Variants in ANK2 observed in about 807,000 individuals in gnomAD.
ANK2 encodes the protein ankyrin 2.
Under a neutral mutation model 360.5 loss-of-function variants are expected in ANK2, and 83 were observed. The ratio of observed to expected loss-of-function variants is 0.23; its 90% CI spans 0.19 to 0.28. The LOEUF (loss-of-function observed/expected upper bound fraction) is 0.28. ANK2 is among the 10% of genes least tolerant of loss of function. The probability of loss-of-function intolerance (pLI) is 1.00; values close to 1 mark genes in which losing one functional copy is unlikely to be tolerated. For missense variants in ANK2, 4,201 were observed against 4,795.7 expected, an observed-to-expected ratio of 0.88 and a Z score of 3.66; for synonymous variants, 1,740 against 1,759.5, an observed-to-expected ratio of 0.99 and a Z score of 0.28.
intron 9 of ANK2, among the ~76,000 whole-genome samples, chr4:113,245,198 C>T (rs1289987609): frequency 6.6e-6 from 1 of 152,094 alleles, no homozygotes; most frequent in Non-Finnish European, 1.5e-5. Context: ...ATCCCTCTTA[C>T]TAAAGACAAA....
At chr4:113,262,871 A>T (rs1301284711) in intron 13 of ANK2, among the ~76,000 whole-genome samples, 1 of 151,856 alleles carries the variant, frequency 6.6e-6, no homozygotes, top group South Asian at 2.1e-4. Context: ...TCCCTCACCA[A>T]TACAGAGGGA....
chr4:112,805,501 T>G, the ANK2 span, among the ~76,000 whole-genome samples: 1 of 152,020 alleles, frequency 6.6e-6, no homozygotes, highest in Non-Finnish European at 1.5e-5. Flanking sequence ...CAAGGGTTCA[T>G]TTTTTCAAGA....
At chr4:113,189,440 T>A (rs2098611699) in intron 2 of ANK2, among the ~76,000 whole-genome samples, 1 of 152,222 alleles carries the variant, frequency 6.6e-6, no homozygotes, top group Non-Finnish European at 1.5e-5. Flanking sequence ...AAATATAGAC[T>A]TGGTTTCTAG....
chr4:113,139,417 A>G (rs4833421), intron 1 of ANK2, among the ~76,000 whole-genome samples: 108,278 of 152,110 alleles, frequency 0.71, 38,859 homozygotes, highest in African/African-American at 0.77. Context: ...CAGCCAGATT[A>G]TAATGAAGCC....
rs140811054 is a variant in ANK2 at position 113,059,746 on chromosome 4, A to G, written c.84+9934A>G. On this transcript the variant is annotated intron_variant, in intron 1 of 45. Transcript: ENST00000357077. ...ATTCTGAAAAGAGCATTTAAATAGC[A>G]TTGATAAAATGTTCATGAGTAACAC... 3.8e-3 allele frequency among the ~76,000 whole-genome samples: 571 copies of G among 152,242 alleles called. 8 individuals carry two copies. The highest frequency in any genetic ancestry group is 0.013 in the African/African-American group (530 of 41,562).
intron 1 of ANK2, among the ~76,000 whole-genome samples, chr4:113,149,461 A>G (rs539937742): frequency 6.6e-6 from 1 of 152,314 alleles, no homozygotes; most frequent in East Asian, 1.9e-4. Context: ...TTTTGTTCAT[A>G]TGGTTAGTTT....
intron 26 of ANK2, among the ~76,000 whole-genome samples, chr4:113,323,016 A>G (rs1365486336): frequency 1.3e-5 from 2 of 152,200 alleles, no homozygotes; most frequent in South Asian, 2.1e-4. Flanking sequence ...TTAAGCATGT[A>G]TACTTTTGTA....
intron 42 of ANK2, among the ~76,000 whole-genome samples, chr4:113,369,149 T>C (rs988583897): frequency 6.6e-6 from 1 of 152,172 alleles, no homozygotes; most frequent in Non-Finnish European, 1.5e-5. Context: ...TCAAAAGCCT[T>C]ATTATCTACA....
chr4:113,059,327 T>C (rs560035708), intron 1 of ANK2, among the ~76,000 whole-genome samples: 1 of 152,306 alleles, frequency 6.6e-6, no homozygotes, highest in East Asian at 1.9e-4. Context: ...CAGTGTTCTG[T>C]GAAGTCAGTC....
intron 2 of ANK2, among the ~76,000 whole-genome samples, chr4:112,920,466 C>T (rs935777298): frequency 1.3e-5 from 2 of 151,948 alleles, no homozygotes; most frequent in South Asian, 4.2e-4. Flanking sequence ...ATACATATAC[C>T]AGAGGATGTA....
intron 17 of ANK2, among the ~76,000 whole-genome samples, chr4:113,281,619 C>G (rs992610970): frequency 2.3e-4 from 35 of 152,120 alleles, no homozygotes; most frequent in Non-Finnish European, 4.1e-4. Flanking sequence ...TTCAGCATGT[C>G]ACTGAAGGGA....
intron 18 of ANK2, among the ~76,000 whole-genome samples, chr4:113,286,110 T>C (rs146879116): frequency 6.6e-6 from 1 of 152,348 alleles, no homozygotes; most frequent in African/African-American, 2.4e-5. Context: ...ATCAAAAATG[T>C]CTTTGAGATT....
intron 1 of ANK2, among the ~76,000 whole-genome samples, chr4:113,108,050 G>T (rs1402635548): frequency 6.6e-6 from 1 of 152,084 alleles, no homozygotes; most frequent in African/African-American, 2.4e-5. Context: ...TTGGACATTC[G>T]TTTACCAATG....
intron 20 of ANK2, among the ~76,000 whole-genome samples, chr4:113,288,836 C>T (rs2066071936): frequency 6.6e-6 from 1 of 152,098 alleles, no homozygotes; most frequent in East Asian, 1.9e-4. Flanking sequence ...ACCCCTTCTC[C>T]TCTCATGAAG....
At chr4:113,246,652 C>G (rs184451760) in intron 9 of ANK2, among the ~76,000 whole-genome samples, 1 of 151,902 alleles carries the variant, frequency 6.6e-6, no homozygotes, top group Admixed American at 6.6e-5. Flanking sequence ...AAAAAGTGTA[C>G]AAAAACATTA....
At chr4:113,036,251 TAAA>T (rs5861121) in intron 2 of ANK2, among the ~76,000 whole-genome samples, 3 of 141,548 alleles carry the variant, frequency 2.1e-5, no homozygotes, top group Non-Finnish European at 1.6e-5. Context: ...CTTTTAGTAG[TAAA>T]AAAAAAAAAA....
chr4:113,359,098 C>G lies in ANK2; in HGVS notation c.10480C>G (p.Gln3494Glu), dbSNP rs1384053788. 7 of 1,613,862 alleles carry G rather than the reference C, an allele frequency of 4.3e-6. No individual in the cohort carries two copies. The highest frequency in any genetic ancestry group is 5.9e-6 in the Non-Finnish European group (7 of 1,179,932). The change falls in exon 38 of 46, where the codon CAG becomes GAG. Residue 3494 changes from glutamine to glutamate, a missense_variant. By Grantham distance (29) the Gln-to-Glu change is conservative (BLOSUM62 2). Transcript: ENST00000357077. ...TTCCAAATTAGTGGATAGGCTGACA[C>G]AGTCAGAGAGGGAGCAGGAAATAGT... is the stretch of plus-strand genomic sequence containing the variant. ...EASKLVDRLT[Q>E]SEREQEIVSD...
At chr4:112,725,693 C>T in the ANK2 span, among the ~76,000 whole-genome samples, 3 of 152,020 alleles carry the variant, frequency 2.0e-5, no homozygotes, top group Admixed American at 6.6e-5. Context: ...AAGCCAACCA[C>T]GATTCCAAAT....
At chr4:113,071,131 G>C (rs940609561) in intron 1 of ANK2, among the ~76,000 whole-genome samples, 1 of 152,124 alleles carries the variant, frequency 6.6e-6, no homozygotes, top group African/African-American at 2.4e-5. Context: ...AATAATTACT[G>C]CTTCTAATAT....
Sources: allele counts gnomAD v4.1 joint callset (sites outside exome capture counted in the v4.1 genomes callset), GRCh38; gene constraint gnomAD v4.1.1; transcripts MANE v1.5; gene names NCBI Gene and HGNC (gene_info 2026-07-23, HGNC 2026-07-21).